KDM4B: variants seen among roughly 807,000 people sequenced by gnomAD.
KDM4B encodes the protein lysine demethylase 4B, also known as lysine-specific demethylase 4B.
In KDM4B, 32 loss-of-function variants were observed where a neutral mutation model predicts 125.2. That is an observed-to-expected ratio of 0.26 (90% CI 0.19 to 0.34). KDM4B has a LOEUF of 0.34. KDM4B is among the 10% of genes least tolerant of loss of function. The pLI is 1.00. For missense variants in KDM4B, 1,190 were observed against 1,577.7 expected (o/e 0.75, Z 4.16); for synonymous variants, 721 against 677.9 (o/e 1.06, Z -0.99).
rs192239848 is a variant in KDM4B at position 4,976,400 on chromosome 19, C to T, written c.-109+7170C>T. On this transcript the variant is annotated intron_variant, in intron 1 of 22. Coordinates refer to ENST00000159111, the MANE Select transcript of KDM4B (RefSeq NM_015015.3). ...AACAGTGTAGGTGGGGGGAACGCTT[C>T]GCTGTTTGAGACGCCAGACTCTCTT... 2.5e-4 allele frequency among the ~76,000 whole-genome samples: 38 copies of T among 152,172 alleles called. 1 individual carries two copies. Among genetic ancestry groups the T allele is most frequent in the Admixed American group, 2.2e-3 (34 of 15,256 alleles).
chr19:5,143,179 C>T (rs1318093214), intron 18 of KDM4B, among the ~76,000 whole-genome samples: 1 of 152,022 alleles, frequency 6.6e-6, no homozygotes, highest in Non-Finnish European at 1.5e-5. Flanking sequence ...CAAAAATTAG[C>T]CAGGCATGAT....
At chr19:5,040,907 G>T (rs556816025) in intron 4 of KDM4B, among the ~76,000 whole-genome samples, 1 of 152,366 alleles carries the variant, frequency 6.6e-6, no homozygotes, top group East Asian at 1.9e-4. Context: ...TGGGTGCCCC[G>T]GGCCAGGATA....
At chr19:5,032,780 A>G in intron 2 of KDM4B, 86 bp from the exon 3 acceptor site, 1 of 1,309,804 alleles carries the variant, frequency 7.6e-7, no homozygotes, top group Non-Finnish European at 1.1e-6. Context: ...CGGTATTTTT[A>G]GCACGCTCCG....
chr19:4,998,122 C>T lies in KDM4B; in HGVS notation c.-108-18135C>T, dbSNP rs139609423. ...GGGGGCCCAAGTCTGCTGGCATCCC[C>T]GCTCTGTGTGGCTCCATCCCCTCGC... On this transcript the variant is annotated intron_variant, in intron 1 of 22. Coordinates refer to ENST00000159111, the MANE Select transcript of KDM4B (RefSeq NM_015015.3). Among the ~76,000 whole-genome samples the T allele has an allele frequency of 6.6e-3, 1,007 of 152,336 alleles. 9 individuals are homozygous for T. The highest frequency in any genetic ancestry group is 0.023 in the African/African-American group (962 of 41,572).
chr19:5,119,341 G>A (rs1188207583), intron 10 of KDM4B: 36 of 713,346 alleles, frequency 5.0e-5, no homozygotes, highest in Non-Finnish European at 6.1e-5. Flanking sequence ...GCCCCGTCCC[G>A]CCCGTCATCC....
chr19:5,010,707 G>A (rs566703482), intron 1 of KDM4B, among the ~76,000 whole-genome samples: 1 of 152,270 alleles, frequency 6.6e-6, no homozygotes, highest in Admixed American at 6.5e-5. Flanking sequence ...GAATGCAGTG[G>A]CGCGATCTTC....
At chr19:4,981,852 T>C (rs777915871) in intron 1 of KDM4B, among the ~76,000 whole-genome samples, 2 of 152,172 alleles carry the variant, frequency 1.3e-5, no homozygotes, top group Non-Finnish European at 2.9e-5. Context: ...CTGATGAACA[T>C]GGGAAGACCC....
intron 21 of KDM4B, among the ~76,000 whole-genome samples, chr19:5,147,742 CAAA>C (rs35330966): frequency 1.1e-4 from 9 of 80,936 alleles, no homozygotes; most frequent in African/African-American, 1.4e-4. Context: ...AGCCCTGTCT[CAAA>C]AAAAAAAAAA....
intron 7 of KDM4B, chr19:5,075,687 G>T (rs1203893061): frequency 6.6e-6 from 1 of 152,248 alleles, no homozygotes; most frequent in East Asian, 1.9e-4. Flanking sequence ...TAAGTCAGCT[G>T]CAGAGCGCAC....
At chr19:5,071,522 G>C (rs1375969249) in intron 7 of KDM4B, among the ~76,000 whole-genome samples, 1 of 152,232 alleles carries the variant, frequency 6.6e-6, no homozygotes, top group Non-Finnish European at 1.5e-5. Context: ...CCCTTGTTCT[G>C]CTGGGACCCA....
intron 11 of KDM4B, among the ~76,000 whole-genome samples, chr19:5,126,307 G>A (rs2039448341): frequency 6.6e-6 from 1 of 152,010 alleles, no homozygotes; most frequent in African/African-American, 2.4e-5. Context: ...CCGCCCTATT[G>A]CCCAGCGCTA....
intron 1 of KDM4B, among the ~76,000 whole-genome samples, chr19:5,004,952 C>G (rs764080700): frequency 2.0e-5 from 3 of 152,228 alleles, no homozygotes; most frequent in Non-Finnish European, 2.9e-5. Flanking sequence ...ACCCCCTGCA[C>G]AGTCTCCCAC....
chr19:5,100,684 G>A (rs997899029), intron 9 of KDM4B, among the ~76,000 whole-genome samples: 2 of 152,114 alleles, frequency 1.3e-5, no homozygotes, highest in Non-Finnish European at 2.9e-5. Flanking sequence ...TCAAAGTGCT[G>A]GGATTAAGGC....
chr19:5,131,995 T>C lies in KDM4B; in HGVS notation c.1894T>C (p.Ser632Pro), dbSNP rs1371757331. The change falls in exon 13 of 23, where the codon TCA becomes CCA. Residue 632 changes from serine to proline, a missense_variant. By Grantham distance (74) the Ser-to-Pro change is moderately conservative (BLOSUM62 -1). This residue lies in a region of KDM4B where 128 missense variants were observed against 137.8 expected (regional missense o/e 0.93). Transcript: ENST00000159111. ...SPLSVVKQEA[S>P]SDEEASPFSG... ...ACTGTCGGTGGTGAAGCAGGAGGCC[T>C]CAAGTGACGAGGGTGAGTGGGGGGT... The C allele has an allele frequency of 1.2e-6, 2 of 1,608,094 alleles. No homozygotes were observed.
chr19:4,970,006 G>A (rs1211103601), intron 1 of KDM4B, among the ~76,000 whole-genome samples: 1 of 152,166 alleles, frequency 6.6e-6, no homozygotes, highest in African/African-American at 2.4e-5. Flanking sequence ...GAAATGAATT[G>A]AGGAGTTGCT....
rs562092657 is a variant in KDM4B at position 5,080,350 on chromosome 19, C to T, written c.781-2017C>T. Among the ~76,000 whole-genome samples, 19 of 152,316 alleles carry T rather than the reference C, an allele frequency of 1.2e-4. 1 individual carries two copies. The South Asian group carries it at 1.4e-3, about 12-fold the overall frequency. On this transcript the variant is annotated intron_variant, in intron 8 of 22. Transcript: ENST00000159111. ...TCTTTCTGGGGGAATATATAATGAT[C>T]AGCAGGCCTGAGAACTCCTACAAAT...
At chr19:5,146,949 A>AC (rs1555722950) in intron 21 of KDM4B, among the ~76,000 whole-genome samples, 1 of 150,314 alleles carries the variant, frequency 6.7e-6, no homozygotes, top group African/African-American at 2.4e-5. Context: ...CAAAAAAAAA[A>AC]AAAAAAAAAA....
intron 9 of KDM4B, among the ~76,000 whole-genome samples, chr19:5,108,464 C>G (rs935465529): frequency 4.6e-5 from 7 of 152,136 alleles, no homozygotes; most frequent in African/African-American, 1.7e-4. Flanking sequence ...GGTTCCATGG[C>G]CCCCCTGGGA....
chr19:5,092,917 G>C (rs1489564226), intron 9 of KDM4B, among the ~76,000 whole-genome samples: 1 of 139,184 alleles, frequency 7.2e-6, no homozygotes, highest in Non-Finnish European at 1.6e-5. Flanking sequence ...GGCAAGGAGG[G>C]ATCAGGGGAG....
Sources: allele counts gnomAD v4.1 joint callset (sites outside exome capture counted in the v4.1 genomes callset), GRCh38; gene constraint gnomAD v4.1.1; regional missense constraint gnomAD v4.1.1; transcripts MANE v1.5; gene names NCBI Gene and HGNC (gene_info 2026-07-23, HGNC 2026-07-21).